TSPAN9: variants seen among roughly 807,000 people sequenced by gnomAD.
TSPAN9 encodes the protein tetraspanin 9.
In TSPAN9, 16 loss-of-function variants were observed where a neutral mutation model predicts 31.0. The ratio of observed to expected loss-of-function variants is 0.52; its 90% CI spans 0.35 to 0.78. The LOEUF (loss-of-function observed/expected upper bound fraction) is 0.78. TSPAN9 is among the 30% of genes least tolerant of loss of function. The pLI is 0.01. For missense variants in TSPAN9, 272 were observed against 312.5 expected, an observed-to-expected ratio of 0.87 and a Z score of 0.98; for synonymous variants, 145 against 121.6, an observed-to-expected ratio of 1.19 and a Z score of -1.27.
At chr12:3,260,156 G>T (rs1862421337) in intron 3 of TSPAN9, among the ~76,000 whole-genome samples, 1 of 152,252 alleles carries the variant, frequency 6.6e-6, no homozygotes, top group Admixed American at 6.5e-5. Context: ...CCGCTCAACG[G>T]GAGTCAGATG....
intron 3 of TSPAN9, among the ~76,000 whole-genome samples, chr12:3,257,365 G>A (rs1337423409): frequency 2.6e-5 from 4 of 151,996 alleles, no homozygotes; most frequent in East Asian, 1.9e-4. Context: ...GGAGGATGCT[G>A]CTCTACTTCC....
intron 2 of TSPAN9, among the ~76,000 whole-genome samples, chr12:3,154,074 A>T (rs2098341160): frequency 1.3e-5 from 2 of 151,686 alleles, no homozygotes; most frequent in South Asian, 4.1e-4. Context: ...TTCTCTGTCT[A>T]GCTGTCTGCT....
intron 2 of TSPAN9, among the ~76,000 whole-genome samples, chr12:3,155,058 C>G (rs1763754156): frequency 6.6e-6 from 1 of 152,142 alleles, no homozygotes; most frequent in African/African-American, 2.4e-5. Context: ...ATTTGAACTT[C>G]TGATTTTTGG....
At chr12:3,259,204 GGA>G (rs1175255085) in intron 3 of TSPAN9, among the ~76,000 whole-genome samples, 1 of 152,188 alleles carries the variant, frequency 6.6e-6, no homozygotes, top group Non-Finnish European at 1.5e-5. Context: ...TCGCCTCACT[GGA>G]GTCCACCGCC....
chr12:3,147,451 C>CCGACG lies in TSPAN9; in HGVS notation c.-17-53720_-17-53716dup, dbSNP rs1423788596. ...AGCCTGAGTCCTGGTGGCATCTCCA[C>CCGACG]CGACGCGACGGGAAGTGGCCTCTCC... On this transcript the variant is annotated intron_variant, in intron 2 of 8. Coordinates refer to ENST00000011898, the MANE Select transcript of TSPAN9 (RefSeq NM_006675.5). The surrounding 1 kb of genome is among the most constrained non-coding windows in gnomAD (Gnocchi z 4.3). 2.0e-5 allele frequency among the ~76,000 whole-genome samples: 3 copies of CCGACG among 152,186 alleles called. No individual in the cohort carries two copies. Among genetic ancestry groups the CCGACG allele is most frequent in the Non-Finnish European group, 4.4e-5 (3 of 68,036 alleles).
chr12:3,099,838 C>T lies in TSPAN9; in HGVS notation c.-18+16119C>T, dbSNP rs575546974. On this transcript the variant is annotated intron_variant, in intron 2 of 8. Transcript: ENST00000011898. ...ACCCTGTGTTTTTGAGGTCTGTCCA[C>T]TCTTTTTTTTTTTTTTTTTTTGGGA... Among the ~76,000 whole-genome samples the T allele has an allele frequency of 9.3e-5, 13 of 139,176 alleles. No homozygotes were observed. In the South Asian group the frequency reaches 3.4e-3, roughly 36 times the overall value. The allele number at this position is 139,176 out of a possible 152,430, so 91.3% of individuals were successfully genotyped here.
At chr12:3,078,722 G>T (rs2098296352) in intron 1 of TSPAN9, among the ~76,000 whole-genome samples, 1 of 151,982 alleles carries the variant, frequency 6.6e-6, no homozygotes, top group African/African-American at 2.4e-5. Flanking sequence ...GTGTAATTCA[G>T]TTCTACTCTC....
intron 7 of TSPAN9, 105 bp from the exon 8 acceptor site, chr12:3,281,629 A>G: frequency 1.5e-6 from 2 of 1,329,426 alleles, no homozygotes; most frequent in South Asian, 1.4e-5. Flanking sequence ...GAGGGCTGGG[A>G]GGTAAGAGCG....
Position 3,246,441 on chromosome 12 carries a change from C to G in TSPAN9, c.64-31980C>G, listed in dbSNP as rs180830065. On this transcript the variant is annotated intron_variant, in intron 3 of 8. Transcript: ENST00000011898. Reference sequence around the variant, plus strand: ...GCAGCCTTCGCTGAGGTCAGGAGAACTTTGGCTGCCTTGGCAGAAGGCCCT... The same window carrying G: ...GCAGCCTTCGCTGAGGTCAGGAGAAGTTTGGCTGCCTTGGCAGAAGGCCCT... Among the ~76,000 whole-genome samples the G allele has an allele frequency of 5.0e-3, 764 of 152,326 alleles. 8 individuals carry two copies. The highest frequency in any genetic ancestry group is 0.017 in the African/African-American group (716 of 41,586).
chr12:3,172,133 A>G lies in TSPAN9; in HGVS notation c.-17-29044A>G, dbSNP rs1263386308. On this transcript the variant is annotated intron_variant, in intron 2 of 8. Transcript: ENST00000011898. This position sits in a 1 kb window ranked among gnomAD's most constrained non-coding sequence, Gnocchi z 4.8. ...TCCAGCGGCACAAATCACAGGGAAA[A>G]TATCTCCCAGGCTTTTCATTTCTCC... 6.6e-6 allele frequency: 1 copy of G among 152,248 alleles called. No individual in the cohort carries two copies. The highest frequency in any genetic ancestry group is 1.5e-5 in the Non-Finnish European group (1 of 68,068). The allele number at this position is 152,248 out of a possible 1,614,324, so 9.4% of individuals were successfully genotyped here.
chr12:3,094,532 G>GTTT (rs1365362907), intron 2 of TSPAN9, among the ~76,000 whole-genome samples: 1 of 141,880 alleles, frequency 7.0e-6, no homozygotes, highest in African/African-American at 2.5e-5. Context: ...TGTTGTTGTT[G>GTTT]TTGTTGTTTT....
intron 3 of TSPAN9, among the ~76,000 whole-genome samples, chr12:3,276,157 A>G (rs1354272070): frequency 2.0e-5 from 3 of 151,056 alleles, no homozygotes; most frequent in African/African-American, 7.3e-5. Context: ...GAGGAAGGGC[A>G]TCTCCTTCTT....
chr12:3,256,402 C>T (rs1033904803), intron 3 of TSPAN9, among the ~76,000 whole-genome samples: 8 of 152,218 alleles, frequency 5.3e-5, no homozygotes, highest in Admixed American at 2.6e-4. Flanking sequence ...GCCAGCATGA[C>T]GGAGGCCCTG....
intron 3 of TSPAN9, chr12:3,211,706 G>A: frequency 6.3e-7 from 1 of 1,594,050 alleles, no homozygotes; most frequent in Non-Finnish European, 8.5e-7. Context: ...TGTAAGCCTT[G>A]CTTTTCCTCC....
At chr12:3,188,002 C>T (rs879048842) in intron 2 of TSPAN9, among the ~76,000 whole-genome samples, 1 of 152,080 alleles carries the variant, frequency 6.6e-6, no homozygotes, top group East Asian at 1.9e-4. Flanking sequence ...CCCAGGGTGG[C>T]GTACCTATGG....
chr12:3,156,130 C>T (rs2098342157), intron 2 of TSPAN9, among the ~76,000 whole-genome samples: 1 of 152,172 alleles, frequency 6.6e-6, no homozygotes, highest in South Asian at 2.1e-4. Flanking sequence ...AATAACAGGC[C>T]AGCCTCCTCC....
chr12:3,232,187 G>A (rs995888751), intron 3 of TSPAN9, among the ~76,000 whole-genome samples: 6 of 152,020 alleles, frequency 3.9e-5, no homozygotes, highest in Non-Finnish European at 5.9e-5. Context: ...CCAAGTACCC[G>A]TTCCTCCTAT....
intron 3 of TSPAN9, among the ~76,000 whole-genome samples, chr12:3,242,088 G>A (rs1338771281): frequency 6.6e-6 from 1 of 152,226 alleles, no homozygotes; most frequent in Non-Finnish European, 1.5e-5. Flanking sequence ...ATGTTCCTGA[G>A]GCCAGCATCA....
chr12:3,140,189 C>T (rs185346580), intron 2 of TSPAN9, among the ~76,000 whole-genome samples: 112 of 152,190 alleles, frequency 7.4e-4, no homozygotes, highest in African/African-American at 2.5e-3. Context: ...GAGTGGAAAG[C>T]GTGCATTTAG....
Sources: allele counts gnomAD v4.1 joint callset (sites outside exome capture counted in the v4.1 genomes callset), GRCh38; gene constraint gnomAD v4.1.1; non-coding constraint Gnocchi (gnomAD v3.1); transcripts MANE v1.5; gene names NCBI Gene and HGNC (gene_info 2026-07-23, HGNC 2026-07-21).